The following TRAPPC9 variants were observed in gnomAD, a reference collection of about 807,000 sequenced individuals.
TRAPPC9 encodes the protein IKK2 binding protein.
A neutral mutation model predicts 124.0 loss-of-function variants in TRAPPC9; 83 were observed. The observed-to-expected ratio is 0.67, with a 90% CI of 0.56 to 0.80. The LOEUF is 0.80. Ranked by LOEUF, TRAPPC9 falls within the 30% of genes least tolerant of loss-of-function variation. The probability of loss-of-function intolerance (pLI) is 0.00; values close to 1 mark genes in which losing one functional copy is unlikely to be tolerated. For synonymous variants in TRAPPC9, 638 were observed against 617.5 expected, an observed-to-expected ratio of 1.03 and a Z score of -0.49; for missense variants, 1,302 against 1,508.3, an observed-to-expected ratio of 0.86 and a Z score of 2.27.
Position 140,140,581 on chromosome 8 carries a change from T to C in TRAPPC9, c.2556+80878A>G, listed in dbSNP as rs922697801. 3.9e-5 allele frequency among the ~76,000 whole-genome samples: 6 copies of C among 152,276 alleles called. No individual in the cohort carries two copies. In the East Asian group the frequency reaches 1.2e-3, roughly 29 times the overall value. The stretch of plus-strand genomic sequence containing the variant: ...ACAAAGCATCCTCCCATACAGTGAT[T>C]TAGAGAGAACAATTGTATGCACTTC... On this transcript the variant is annotated intron_variant, in intron 17 of 22. Coordinates refer to ENST00000438773, the MANE Select transcript of TRAPPC9 (RefSeq NM_001160372.4).
chr8:139,947,782 C>G (rs548272411), intron 19 of TRAPPC9, among the ~76,000 whole-genome samples: 1 of 150,178 alleles, frequency 6.7e-6, no homozygotes, highest in East Asian at 2.0e-4. Context: ...GAAGGAGAAT[C>G]ACCTGAACCT....
chr8:140,078,986 G>C (rs1295577772), intron 17 of TRAPPC9, among the ~76,000 whole-genome samples: 4 of 152,078 alleles, frequency 2.6e-5, no homozygotes, highest in Non-Finnish European at 5.9e-5. Context: ...AATTCCCATG[G>C]GAATTATGTC....
chr8:140,050,976 A>T (rs932949446), intron 17 of TRAPPC9, among the ~76,000 whole-genome samples: 1 of 152,234 alleles, frequency 6.6e-6, no homozygotes, highest in Non-Finnish European at 1.5e-5. Flanking sequence ...TCACCGAAAC[A>T]GTCCTTGATG....
chr8:140,325,469 T>C (rs1437043996), intron 9 of TRAPPC9, among the ~76,000 whole-genome samples: 5 of 152,220 alleles, frequency 3.3e-5, no homozygotes, highest in African/African-American at 1.2e-4. Context: ...CTACGCTCAT[T>C]AAGAGGATAA....
At chr8:140,049,701 T>C (rs1331512398) in intron 17 of TRAPPC9, among the ~76,000 whole-genome samples, 3 of 152,256 alleles carry the variant, frequency 2.0e-5, no homozygotes, top group African/African-American at 7.2e-5. Flanking sequence ...AACCCTGGGA[T>C]TTCCTTGAGG....
At chr8:140,173,346 A>C (rs2062002251) in intron 17 of TRAPPC9, among the ~76,000 whole-genome samples, 2 of 152,106 alleles carry the variant, frequency 1.3e-5, no homozygotes, top group South Asian at 4.1e-4. Flanking sequence ...CGAGGTCAGG[A>C]GATCGAGACC....
At chr8:140,333,527 A>G (rs1220323934) in intron 9 of TRAPPC9, among the ~76,000 whole-genome samples, 1 of 152,148 alleles carries the variant, frequency 6.6e-6, no homozygotes, top group African/African-American at 2.4e-5. Context: ...AGTAGCTGGG[A>G]TTACAGGCAC....
intron 17 of TRAPPC9, among the ~76,000 whole-genome samples, chr8:140,051,168 C>T (rs556625806): frequency 6.6e-6 from 1 of 152,320 alleles, no homozygotes; most frequent in East Asian, 1.9e-4. Context: ...CCTGCACACT[C>T]CTCCCTCCCT....
chr8:139,920,281 G>T (rs1039217517), intron 19 of TRAPPC9, among the ~76,000 whole-genome samples: 1 of 152,236 alleles, frequency 6.6e-6, no homozygotes, highest in South Asian at 2.1e-4. Context: ...AGGAGGTGGA[G>T]GTTGCAGTGA....
chr8:140,429,651 C>T (rs1448160696), intron 4 of TRAPPC9, among the ~76,000 whole-genome samples: 1 of 151,500 alleles, frequency 6.6e-6, no homozygotes, highest in African/African-American at 2.4e-5. Context: ...ACTAAAAATA[C>T]GAAAATTAGC....
chr8:140,139,133 C>T (rs2061345882), intron 17 of TRAPPC9, among the ~76,000 whole-genome samples: 1 of 152,152 alleles, frequency 6.6e-6, no homozygotes, highest in Non-Finnish European at 1.5e-5. Context: ...GGTAAGGGAT[C>T]CTTGAAGTCA....
chr8:139,886,076 T>C, intron 20 of TRAPPC9, 107 bp from the exon 21 acceptor site: 1 of 1,031,804 alleles, frequency 9.7e-7, no homozygotes, highest in Non-Finnish European at 1.5e-6. Context: ...CTACAGCAGA[T>C]GTCTCCCCTC....
chr8:140,330,511 G>T (rs1166619083), intron 9 of TRAPPC9, among the ~76,000 whole-genome samples: 1 of 152,122 alleles, frequency 6.6e-6, no homozygotes, highest in Non-Finnish European at 1.5e-5. Context: ...CCAGTTGGAG[G>T]CCCTGATGAA....
chr8:140,451,214 A>T lies in TRAPPC9; in HGVS notation c.160T>A (p.Tyr54Asn). 1 of 1,614,122 alleles carries T rather than the reference A, an allele frequency of 6.2e-7. No homozygotes were observed. The highest frequency in any genetic ancestry group is 8.5e-7 in the Non-Finnish European group (1 of 1,180,030). The change falls in exon 2 of 23, where the codon TAC (tyrosine) becomes AAC (asparagine). Residue 54 changes from tyrosine to asparagine, a missense_variant. By Grantham distance (143) the Tyr-to-Asn change is moderately radical. Coordinates refer to ENST00000438773, the MANE Select transcript of TRAPPC9 (RefSeq NM_001160372.4). ...GGGTAGTGGTGCCTGTAGCGGATGT[A>T]GAGGACTCGCTGGGAGTCCCGCACG... The part of the protein sequence containing the change: ...ISVRDSQRVL[Y>N]IRYRHHYPPE...
intron 9 of TRAPPC9, among the ~76,000 whole-genome samples, chr8:140,328,076 G>A (rs933312098): frequency 5.9e-5 from 9 of 152,066 alleles, no homozygotes; most frequent in Non-Finnish European, 1.0e-4. Flanking sequence ...CCAACATGGT[G>A]AAACCCCATC....
rs562108133 is a variant in TRAPPC9, at chr8:140,174,401, T to C, written c.2556+47058A>G. 2.0e-4 allele frequency among the ~76,000 whole-genome samples: 31 copies of C among 152,084 alleles called. No homozygotes were observed. The South Asian group carries it at 2.7e-3, about 13-fold the overall frequency. On this transcript the variant is annotated intron_variant, in intron 17 of 22. Coordinates refer to ENST00000438773, the MANE Select transcript of TRAPPC9 (RefSeq NM_001160372.4). ...CGTAAAAGTTAAAAAATAAAATAAA[T>C]TGAGGTATAATTCACACGCCATAAA...
intron 19 of TRAPPC9, among the ~76,000 whole-genome samples, chr8:139,978,857 T>C (rs1290865573): frequency 1.3e-5 from 2 of 152,140 alleles, no homozygotes; most frequent in Non-Finnish European, 2.9e-5. Context: ...AGAGAACCAG[T>C]GGAGCTGGGA....
chr8:140,261,527 C>G (rs1056909664), intron 15 of TRAPPC9, among the ~76,000 whole-genome samples: 1 of 152,130 alleles, frequency 6.6e-6, no homozygotes, highest in African/African-American at 2.4e-5. Context: ...ATTGCCCAAG[C>G]CAGGGTAGCA....
intron 21 of TRAPPC9, among the ~76,000 whole-genome samples, chr8:139,869,757 G>T (rs1033528920): frequency 2.0e-4 from 31 of 152,066 alleles, no homozygotes; most frequent in South Asian, 1.9e-3. Flanking sequence ...AATAACAAAA[G>T]AAGAAAACAA....
Sources: gnomAD v4.1 joint callset for allele counts (sites outside exome capture counted in the v4.1 genomes callset) on GRCh38, gnomAD v4.1.1 for gene constraint, MANE v1.5 for transcripts, NCBI Gene and HGNC (gene_info 2026-07-23, HGNC 2026-07-21) for gene names.